Variants in MARCHF1 observed in about 807,000 individuals in gnomAD.
MARCHF1 encodes the protein E3 ubiquitin-protein ligase MARCHF1.
Under a neutral mutation model 54.2 loss-of-function variants are expected in MARCHF1, and 40 were observed. That is an observed-to-expected ratio of 0.74 (90% CI 0.57 to 0.96). The LOEUF (loss-of-function observed/expected upper bound fraction) is 0.96. MARCHF1 is among the 40% of genes least tolerant of loss of function. MARCHF1 has a pLI of 0.00. For synonymous variants in MARCHF1, 236 were observed against 236.3 expected (o/e 1.00, Z 0.01); for missense variants, 586 against 656.5 (o/e 0.89, Z 1.17).
intron 1 of MARCHF1, among the ~76,000 whole-genome samples, chr4:164,277,596 C>T (rs1412415918): frequency 6.6e-6 from 1 of 152,204 alleles, no homozygotes; most frequent in Admixed American, 6.5e-5. Context: ...CCAACTAATC[C>T]CTGCTCAACT....
intron 5 of MARCHF1, among the ~76,000 whole-genome samples, chr4:163,622,846 A>C (rs899617490): frequency 6.6e-6 from 1 of 152,160 alleles, no homozygotes; most frequent in Admixed American, 6.5e-5. Flanking sequence ...ACATTAGGGG[A>C]GTGGCTTAGA....
At chr4:163,566,233 A>G (rs1270896889) in intron 8 of MARCHF1, among the ~76,000 whole-genome samples, 2 of 152,224 alleles carry the variant, frequency 1.3e-5, no homozygotes, top group Non-Finnish European at 2.9e-5. Context: ...ACACTGTCGC[A>G]TGCTGCGACC....
intron 8 of MARCHF1, among the ~76,000 whole-genome samples, chr4:163,574,267 C>G (rs1739957603): frequency 6.6e-6 from 1 of 152,052 alleles, no homozygotes. Flanking sequence ...TGTGGGTTGC[C>G]TGTTCACTCT....
At chr4:164,242,650 GA>G (rs1192135762) in intron 1 of MARCHF1, among the ~76,000 whole-genome samples, 6 of 141,932 alleles carry the variant, frequency 4.2e-5, no homozygotes, top group African/African-American at 1.8e-4. Flanking sequence ...TGAGCTGTGA[GA>G]AGAAGGTTTC....
intron 1 of MARCHF1, among the ~76,000 whole-genome samples, chr4:164,149,153 T>C (rs1445415841): frequency 6.6e-6 from 1 of 152,176 alleles, no homozygotes; most frequent in Non-Finnish European, 1.5e-5. Context: ...CCTTTTGCCT[T>C]TTGCAATGAC....
At chr4:164,381,923 CTG>C (rs1055233789) in intron 1 of MARCHF1, among the ~76,000 whole-genome samples, 3 of 152,128 alleles carry the variant, frequency 2.0e-5, no homozygotes, top group Admixed American at 6.5e-5. Flanking sequence ...ATAAAAAAAA[CTG>C]TATCACAGAA....
At chr4:163,608,454 T>G (rs2110914151) in intron 7 of MARCHF1, among the ~76,000 whole-genome samples, 2 of 152,150 alleles carry the variant, frequency 1.3e-5, no homozygotes, top group African/African-American at 4.8e-5. Flanking sequence ...GACTTGTAAA[T>G]ATTAAAGATT....
intron 4 of MARCHF1, among the ~76,000 whole-genome samples, chr4:163,792,577 C>T (rs1747800558): frequency 6.6e-6 from 1 of 152,044 alleles, no homozygotes. Context: ...ACAGCTAAAT[C>T]CTAACTACTT....
At chr4:163,719,376 C>T (rs969165941) in intron 4 of MARCHF1, among the ~76,000 whole-genome samples, 2 of 152,180 alleles carry the variant, frequency 1.3e-5, no homozygotes, top group African/African-American at 2.4e-5. Flanking sequence ...TTTTTTGTGA[C>T]TGCATAGTAT....
intron 1 of MARCHF1, among the ~76,000 whole-genome samples, chr4:164,319,359 GAACCAATTCCCCATGGATACCAA>G (rs1735078990): frequency 6.6e-6 from 1 of 152,004 alleles, no homozygotes; most frequent in Non-Finnish European, 1.5e-5. Flanking sequence ...AGGGGTCCTG[GAACCAATTCCCCATGGATACCAA>G]GGAATGACTG....
chr4:163,804,317 C>T (rs931731434), intron 4 of MARCHF1, among the ~76,000 whole-genome samples: 1 of 152,186 alleles, frequency 6.6e-6, no homozygotes, highest in African/African-American at 2.4e-5. Context: ...TCCTACAGCA[C>T]TGGCTTTCTA....
chr4:163,812,518 G>C (rs138172170), intron 4 of MARCHF1, among the ~76,000 whole-genome samples: 1 of 152,060 alleles, frequency 6.6e-6, no homozygotes, highest in Non-Finnish European at 1.5e-5. Flanking sequence ...AGCACTTTGG[G>C]AAGTCAAGGC....
Position 163,527,622 on chromosome 4 carries a change from A to ATAAC in MARCHF1, c.*1122_*1125dup, listed in dbSNP as rs929800227. 20 of 116,246 alleles carry ATAAC rather than the reference A, an allele frequency of 1.7e-4. No individual in the cohort carries two copies. The highest frequency in any genetic ancestry group is 5.0e-4 in the South Asian group (2 of 3,970). The allele number at this position is 116,246 out of a possible 1,614,324, so 7.2% of individuals were successfully genotyped here. A position where few individuals can be genotyped will look rare whatever the true frequency, so the allele number is the denominator to read the frequency against. The stretch of plus-strand genomic sequence containing the variant: ...ACTTAATTTAATGCTTTTAAAAATC[A>ATAAC]TAACTAACTTTTGTGACTTTGAAAT... On this transcript the variant is annotated 3_prime_UTR_variant, in exon 10 of 10. Coordinates refer to ENST00000514618, the MANE Select transcript of MARCHF1 (RefSeq NM_001394959.1).
At chr4:163,651,499 GCT>G in intron 5 of MARCHF1, among the ~76,000 whole-genome samples, 1 of 148,400 alleles carries the variant, frequency 6.7e-6, no homozygotes, top group East Asian at 2.0e-4. Context: ...AATTCCTGCA[GCT>G]CTCTCTGTCT....
At chr4:164,212,366 G>A (rs768922088) in intron 1 of MARCHF1, among the ~76,000 whole-genome samples, 9 of 152,062 alleles carry the variant, frequency 5.9e-5, no homozygotes, top group Non-Finnish European at 7.4e-5. Context: ...GCCAGTAAGC[G>A]ATGAGTCAGA....
chr4:163,607,112 T>G (rs900447382), intron 7 of MARCHF1, among the ~76,000 whole-genome samples: 10 of 152,110 alleles, frequency 6.6e-5, no homozygotes, highest in Non-Finnish European at 1.0e-4. Flanking sequence ...AGAACCACAT[T>G]GTTTCTGGAG....
chr4:163,750,390 AG>A (rs1691332782), intron 4 of MARCHF1, among the ~76,000 whole-genome samples: 1 of 151,788 alleles, frequency 6.6e-6, no homozygotes, highest in African/African-American at 2.4e-5. Flanking sequence ...AGGCAGCTGT[AG>A]TCCCAGCTAC....
intron 4 of MARCHF1, among the ~76,000 whole-genome samples, chr4:163,818,857 A>T (rs1190665855): frequency 6.6e-6 from 1 of 152,012 alleles, no homozygotes; most frequent in Non-Finnish European, 1.5e-5. Context: ...TTCTCATATG[A>T]TCACTTCTCT....
intron 1 of MARCHF1, among the ~76,000 whole-genome samples, chr4:164,371,577 A>G (rs910165681): frequency 2.6e-5 from 4 of 152,202 alleles, no homozygotes; most frequent in Admixed American, 6.5e-5. Context: ...GGAAAAAATA[A>G]CAAAACTTAA....
Sources: allele counts gnomAD v4.1 joint callset (sites outside exome capture counted in the v4.1 genomes callset), GRCh38; gene constraint gnomAD v4.1.1; transcripts MANE v1.5; gene names NCBI Gene and HGNC (gene_info 2026-07-23, HGNC 2026-07-21).